The following EPHA6 variants were observed in gnomAD, a reference collection of about 807,000 sequenced individuals.
EPHA6 encodes ephrin type-A receptor 6.
Under a neutral mutation model 112.0 loss-of-function variants are expected in EPHA6, and 50 were observed. The observed-to-expected ratio is 0.45, with a 90% confidence interval of 0.36 to 0.56. The LOEUF (loss-of-function observed/expected upper bound fraction) is 0.56. Among genes scored for constraint, EPHA6 ranks in the 20% least tolerant of loss-of-function variants. The pLI, the probability that EPHA6 is intolerant of heterozygous loss-of-function variation, is 0.00. For synonymous variants in EPHA6, 529 were observed against 490.7 expected (o/e 1.08, Z -1.03); for missense variants, 1,280 against 1,417.4 (o/e 0.90, Z 1.56).
chr3:97,090,840 C>T (rs2047042160), intron 3 of EPHA6, among the ~76,000 whole-genome samples: 1 of 151,782 alleles, frequency 6.6e-6, no homozygotes, highest in Non-Finnish European at 1.5e-5. Context: ...TTTTAAATTG[C>T]TTTTTTAGAT....
At chr3:96,956,055 T>A (rs1476767815) in intron 2 of EPHA6, among the ~76,000 whole-genome samples, 1 of 152,200 alleles carries the variant, frequency 6.6e-6, no homozygotes, top group Non-Finnish European at 1.5e-5. Flanking sequence ...GAGTAAATAT[T>A]TCAGCAGATC....
intron 1 of EPHA6, among the ~76,000 whole-genome samples, chr3:96,837,582 T>C (rs1200752491): frequency 6.6e-6 from 1 of 152,104 alleles, no homozygotes; most frequent in Non-Finnish European, 1.5e-5. Flanking sequence ...GAGGCAGTCC[T>C]AAACTGTTTA....
At chr3:97,224,713 TA>T (rs931624274) in intron 3 of EPHA6, among the ~76,000 whole-genome samples, 2 of 152,048 alleles carry the variant, frequency 1.3e-5, no homozygotes, top group Non-Finnish European at 2.9e-5. Context: ...CAGAATAACA[TA>T]AAAAACCTTT....
At chr3:97,551,821 A>C (rs1577745390) in intron 11 of EPHA6, among the ~76,000 whole-genome samples, 1 of 152,126 alleles carries the variant, frequency 6.6e-6, no homozygotes, top group East Asian at 1.9e-4. Context: ...ATTCCAGGAC[A>C]TTCTCTGGGG....
chr3:97,140,245 TAAAAGGTTTGG>T (rs1055733678), intron 3 of EPHA6, among the ~76,000 whole-genome samples: 1 of 151,984 alleles, frequency 6.6e-6, no homozygotes, highest in Admixed American at 6.6e-5. Flanking sequence ...GAAATAAAAG[TAAAAGGTTTGG>T]AAAAGTATTT....
At chr3:97,232,520 C>A (rs1321527535) in intron 4 of EPHA6, among the ~76,000 whole-genome samples, 1 of 152,232 alleles carries the variant, frequency 6.6e-6, no homozygotes, top group Admixed American at 6.5e-5. Context: ...TTAAGTCCTG[C>A]ACCTCTAAGC....
chr3:97,008,182 A>G (rs1445282425), intron 3 of EPHA6, among the ~76,000 whole-genome samples: 1 of 152,154 alleles, frequency 6.6e-6, no homozygotes, highest in Non-Finnish European at 1.5e-5. Context: ...CCTCCTGGAT[A>G]ATATCCTGAA....
chr3:97,001,017 G>GATATATATATATATATATAT lies in EPHA6; in HGVS notation c.1114+13038_1114+13039insATATATATATATATATATAT, dbSNP rs57116000. Among the ~76,000 whole-genome samples the GATATATATATATATATATAT allele has an allele frequency of 8.8e-3, 1,012 of 114,416 alleles. 31 individuals are homozygous for GATATATATATATATATATAT. The highest frequency in any genetic ancestry group is 0.012 in the Non-Finnish European group (679 of 56,048). The allele number at this position is 114,416 out of a possible 152,430, so 75.1% of individuals were successfully genotyped here. A position where few individuals can be genotyped will look rare whatever the true frequency, so the allele number is the denominator to read the frequency against. On this transcript the variant is annotated intron_variant, in intron 3 of 17. Transcript: ENST00000389672. ...AAACTCTCCAGCCCAGTCAGAAATT[G>GATATATATATATATATATAT]ATATATATATATATGCATGTGTGTT...
At chr3:97,494,180 T>C (rs2091920743) in intron 10 of EPHA6, among the ~76,000 whole-genome samples, 1 of 152,204 alleles carries the variant, frequency 6.6e-6, no homozygotes, top group African/African-American at 2.4e-5. Flanking sequence ...TCAATGTAAC[T>C]TGTGTATCCA....
chr3:97,224,935 G>A (rs1306914298), intron 3 of EPHA6, among the ~76,000 whole-genome samples: 1 of 148,330 alleles, frequency 6.7e-6, no homozygotes, highest in Non-Finnish European at 1.5e-5. Context: ...TTTTTTTTTT[G>A]CTTTTTTGGG....
chr3:97,702,103 G>A (rs919069004), intron 14 of EPHA6, among the ~76,000 whole-genome samples: 3 of 152,084 alleles, frequency 2.0e-5, no homozygotes, highest in African/African-American at 7.2e-5. Context: ...AAAGCTCTTT[G>A]AATCAGCCTG....
intron 3 of EPHA6, among the ~76,000 whole-genome samples, chr3:97,073,960 T>G (rs2046436355): frequency 6.6e-6 from 1 of 152,046 alleles, no homozygotes; most frequent in African/African-American, 2.4e-5. Flanking sequence ...TTATTGGCCA[T>G]TTATTTTTTT....
chr3:97,451,477 T>A (rs1019027667), intron 7 of EPHA6, among the ~76,000 whole-genome samples: 5 of 151,166 alleles, frequency 3.3e-5, no homozygotes, highest in African/African-American at 4.9e-5. Flanking sequence ...CTTGAAGAGA[T>A]AAAATGTCTG....
At chr3:97,561,204 G>T (rs758782378) in intron 11 of EPHA6, among the ~76,000 whole-genome samples, 3 of 151,910 alleles carry the variant, frequency 2.0e-5, no homozygotes, top group African/African-American at 7.3e-5. Context: ...AGGAAGAGTC[G>T]CATATCTCTG....
intron 5 of EPHA6, among the ~76,000 whole-genome samples, chr3:97,328,161 C>T (rs1293893607): frequency 6.7e-6 from 1 of 148,994 alleles, no homozygotes; most frequent in Non-Finnish European, 1.5e-5. Context: ...CAGCTATGTA[C>T]ATTTATACAC....
At chr3:97,135,766 G>A (rs563473041) in intron 3 of EPHA6, among the ~76,000 whole-genome samples, 5 of 148,440 alleles carry the variant, frequency 3.4e-5, no homozygotes, top group African/African-American at 9.9e-5. Flanking sequence ...GCCAAAAAAG[G>A]CCCACAGATT....
chr3:96,867,829 C>T (rs1232829174), intron 2 of EPHA6, among the ~76,000 whole-genome samples: 1 of 151,850 alleles, frequency 6.6e-6, no homozygotes, highest in African/African-American at 2.4e-5. Flanking sequence ...TGACATTTTA[C>T]AACAACAGTT....
At chr3:96,822,004 T>TG (rs1326998491) in intron 1 of EPHA6, among the ~76,000 whole-genome samples, 1 of 151,868 alleles carries the variant, frequency 6.6e-6, no homozygotes. Context: ...TGATGTTGCA[T>TG]GGAAGAAAGG....
Position 97,753,249 on chromosome 3 carries a change from A to G in EPHA6, c.*4548A>G, listed in dbSNP as rs1213663789. ...GTTTGGCTGTGCTGTCATTGCTTTC[A>G]AGTAACTCTCATTATTAAAATTTAG... On this transcript the variant is annotated 3_prime_UTR_variant, in exon 18 of 18. Coordinates refer to ENST00000389672, the MANE Select transcript of EPHA6 (RefSeq NM_001080448.3). Among the ~76,000 whole-genome samples the G allele has an allele frequency of 1.3e-5, 2 of 152,136 alleles. No individual in the cohort carries two copies. The highest frequency in any genetic ancestry group is 2.9e-5 in the Non-Finnish European group (2 of 68,018).
Sources: gnomAD v4.1 joint callset for allele counts (sites outside exome capture counted in the v4.1 genomes callset) on GRCh38, gnomAD v4.1.1 for gene constraint, MANE v1.5 for transcripts, NCBI Gene and HGNC (gene_info 2026-07-23, HGNC 2026-07-21) for gene names.